PTPN13: variants seen among roughly 807,000 people sequenced by gnomAD.
PTPN13 encodes the protein tyrosine-protein phosphatase non-receptor type 13.
A neutral mutation model predicts 284.0 loss-of-function variants in PTPN13; 191 were observed. The ratio of observed to expected loss-of-function variants is 0.67; its 90% CI spans 0.60 to 0.76. The LOEUF (loss-of-function observed/expected upper bound fraction) is 0.76, where lower values mean the gene tolerates loss of function less well. Ranked by LOEUF, PTPN13 falls within the 30% of genes least tolerant of loss-of-function variation. The pLI is 0.00. For synonymous variants in PTPN13, 986 were observed against 1,022.3 expected (o/e 0.96, Z 0.68); for missense variants, 2,797 against 2,939.9 (o/e 0.95, Z 1.12).
intron 7 of PTPN13, among the ~76,000 whole-genome samples, chr4:86,714,171 T>C (rs1263100577): frequency 6.6e-6 from 1 of 152,086 alleles, no homozygotes; most frequent in Non-Finnish European, 1.5e-5. Context: ...AGCTTTCATG[T>C]ACTTTTTGCT....
intron 40 of PTPN13, among the ~76,000 whole-genome samples, chr4:86,794,128 T>G (rs1252144034): frequency 6.6e-6 from 1 of 152,154 alleles, no homozygotes; most frequent in Admixed American, 6.5e-5. Flanking sequence ...TGTTTGCAGA[T>G]GACATGATTG....
chr4:86,726,982 G>T (rs1734340407), intron 10 of PTPN13, among the ~76,000 whole-genome samples: 2 of 149,430 alleles, frequency 1.3e-5, no homozygotes, highest in African/African-American at 2.4e-5. Context: ...TTTGAAGTAA[G>T]TTCCACCAAT....
chr4:86,695,581 A>G (rs1027506741), intron 6 of PTPN13, among the ~76,000 whole-genome samples: 4 of 152,060 alleles, frequency 2.6e-5, no homozygotes, highest in Non-Finnish European at 4.4e-5. Context: ...GAACATTTTA[A>G]TAAGTAGAAC....
intron 1 of PTPN13, among the ~76,000 whole-genome samples, chr4:86,614,869 T>A (rs2148636794): frequency 6.6e-6 from 1 of 152,266 alleles, no homozygotes; most frequent in South Asian, 2.1e-4. Flanking sequence ...ACTTGGTTTT[T>A]GAATTAAGAA....
At chr4:86,703,970 C>T (rs1731445183) in intron 7 of PTPN13, among the ~76,000 whole-genome samples, 1 of 151,492 alleles carries the variant, frequency 6.6e-6, no homozygotes, top group African/African-American at 2.4e-5. Flanking sequence ...GTCGGGAGTT[C>T]GAGACCAGCC....
At chr4:86,777,006 A>G (rs1233077438) in intron 35 of PTPN13, among the ~76,000 whole-genome samples, 1 of 152,232 alleles carries the variant, frequency 6.6e-6, no homozygotes, top group Non-Finnish European at 1.5e-5. Flanking sequence ...GAGGCATAGA[A>G]CTACCGCATC....
At chr4:86,777,718 T>C (rs1740819117) in intron 35 of PTPN13, among the ~76,000 whole-genome samples, 1 of 152,216 alleles carries the variant, frequency 6.6e-6, no homozygotes, top group African/African-American at 2.4e-5. Context: ...GTTGATCAAA[T>C]CATTGATGAT....
Position 86,673,052 on chromosome 4 carries a change from C to T in PTPN13, c.294+509C>T, listed in dbSNP as rs565303531. On this transcript the variant is annotated intron_variant, in intron 3 of 47. Coordinates refer to ENST00000411767, the MANE Select transcript of PTPN13 (RefSeq NM_080683.3). Reference sequence around the variant, plus strand: ...CACATGTGCAGTTCATAATAGGATTCGCATTCCTATGAGAATCTAATGCCA... The same window carrying T: ...CACATGTGCAGTTCATAATAGGATTTGCATTCCTATGAGAATCTAATGCCA... Among the ~76,000 whole-genome samples, 5 of 152,250 alleles carry T rather than the reference C, an allele frequency of 3.3e-5. No homozygotes were observed. The South Asian group carries it at 6.2e-4, about 19-fold the overall frequency.
At chr4:86,624,998 A>T (rs999373459) in intron 1 of PTPN13, among the ~76,000 whole-genome samples, 1 of 152,096 alleles carries the variant, frequency 6.6e-6, no homozygotes, top group Non-Finnish European at 1.5e-5. Flanking sequence ...CATGAGGACT[A>T]CCTCACTAAG....
intron 2 of PTPN13, among the ~76,000 whole-genome samples, chr4:86,669,927 G>A (rs1047128489): frequency 6.6e-6 from 1 of 151,968 alleles, no homozygotes; most frequent in Non-Finnish European, 1.5e-5. Flanking sequence ...ACTTAGATTC[G>A]GGACTTAGGT....
chr4:86,764,369 A>T (rs1739041309), intron 24 of PTPN13, among the ~76,000 whole-genome samples: 1 of 152,130 alleles, frequency 6.6e-6, no homozygotes, highest in Non-Finnish European at 1.5e-5. Flanking sequence ...GATGATCTCT[A>T]AGATCTCTTC....
At chr4:86,658,533 C>T (rs996546207) in intron 2 of PTPN13, among the ~76,000 whole-genome samples, 3 of 152,164 alleles carry the variant, frequency 2.0e-5, no homozygotes, top group Non-Finnish European at 4.4e-5. Flanking sequence ...CTGTCTCCTA[C>T]TTCCTGGTTA....
chr4:86,772,661 G>GGATC, intron 31 of PTPN13, 117 bp from the exon 32 acceptor site: 6 of 795,066 alleles, frequency 7.5e-6, no homozygotes, highest in Non-Finnish European at 1.2e-5. Context: ...AAAGTAACTA[G>GGATC]GATCTCAATC....
intron 1 of PTPN13, among the ~76,000 whole-genome samples, chr4:86,597,063 C>A (rs2149136276): frequency 6.6e-6 from 1 of 152,128 alleles, no homozygotes; most frequent in Middle Eastern, 3.4e-3. Flanking sequence ...GAGTTAATAT[C>A]ACTTTACAAG....
intron 1 of PTPN13, among the ~76,000 whole-genome samples, chr4:86,606,496 T>G (rs1404761748): frequency 6.6e-6 from 1 of 151,832 alleles, no homozygotes; most frequent in East Asian, 1.9e-4. Flanking sequence ...TTGACTACTG[T>G]CTAAAGAAAT....
In PTPN13 at chr4:86,701,409, C is replaced by A. The variant is rs2149007496; in HGVS notation, c.803C>A (p.Ser268Tyr). 6.2e-7 allele frequency: 1 copy of A among 1,613,688 alleles called. No homozygotes were observed. Among genetic ancestry groups the A allele is most frequent in the Admixed American group, 1.7e-5 (1 of 59,992 alleles). ...ILSDNSGREDSENTFSPYQFK... is the reference protein window; with the variant it reads ...ILSDNSGREDYENTFSPYQFK... ...TCAGATAATTCTGGACGTGAAGATT[C>A]TGAAAATACATTCTCCCCTTACCAG... Residue 268 changes from serine to tyrosine, a missense_variant, in exon 7 of 48, where the codon TCT (serine) becomes TAT (tyrosine). Ser to Tyr is a moderately radical substitution (Grantham distance 144, BLOSUM62 -2). Transcript: ENST00000411767.
chr4:86,775,377 T>G (rs1740517132), intron 34 of PTPN13, 35 bp downstream of exon 34: 1 of 1,604,018 alleles, frequency 6.2e-7, no homozygotes, highest in Admixed American at 1.7e-5. Flanking sequence ...AATATGATTT[T>G]CTTGGTTAGC....
chr4:86,787,489 G>A (rs1272740350), intron 40 of PTPN13, among the ~76,000 whole-genome samples: 2 of 152,004 alleles, frequency 1.3e-5, no homozygotes, highest in African/African-American at 4.8e-5. Context: ...CTACTCGGGA[G>A]GCTGAGGCAG....
chr4:86,612,658 G>A (rs1029956514), intron 1 of PTPN13, among the ~76,000 whole-genome samples: 5 of 152,022 alleles, frequency 3.3e-5, no homozygotes, highest in Admixed American at 1.3e-4. Flanking sequence ...CTCTGATAAA[G>A]AGAAAATCTT....
Sources: allele counts gnomAD v4.1 joint callset (sites outside exome capture counted in the v4.1 genomes callset), GRCh38; gene constraint gnomAD v4.1.1; transcripts MANE v1.5; gene names NCBI Gene and HGNC (gene_info 2026-07-23, HGNC 2026-07-21).